RASA1: variants seen among roughly 807,000 people sequenced by gnomAD.
The protein encoded by RASA1 is ras GTPase-activating protein 1.
RASA1 carries 25 observed loss-of-function variants against 132.2 expected under a neutral mutation model. The ratio of observed to expected loss-of-function variants is 0.19; its 90% CI spans 0.14 to 0.26. The LOEUF (loss-of-function observed/expected upper bound fraction) is 0.26. Among genes scored for constraint, RASA1 ranks in the 10% least tolerant of loss-of-function variants. The pLI, the probability that RASA1 is intolerant of heterozygous loss-of-function variation, is 1.00. For synonymous variants in RASA1, 477 were observed against 449.9 expected (o/e 1.06, Z -0.76); for missense variants, 964 against 1,299.2 (o/e 0.74, Z 3.97).
At chr5:87,283,106 A>G (rs1754389420) in intron 1 of RASA1, among the ~76,000 whole-genome samples, 1 of 150,030 alleles carries the variant, frequency 6.7e-6, no homozygotes. Flanking sequence ...TCCTTTGATC[A>G]ACATTTCCTC....
chr5:87,313,710 C>G (rs988938431), intron 1 of RASA1, among the ~76,000 whole-genome samples: 12 of 152,192 alleles, frequency 7.9e-5, no homozygotes, highest in African/African-American at 2.9e-4. Context: ...CAAAAAAAGT[C>G]TAAGAAATCA....
intron 1 of RASA1, among the ~76,000 whole-genome samples, chr5:87,310,258 A>T (rs765088918): frequency 7.1e-4 from 107 of 150,456 alleles, no homozygotes; most frequent in Non-Finnish European, 1.4e-3. Flanking sequence ...AAGGAATTTT[A>T]AAAAAGAATT....
intron 13 of RASA1, 107 bp downstream of exon 13, chr5:87,372,302 G>A: frequency 4.1e-6 from 4 of 982,212 alleles, no homozygotes; most frequent in Non-Finnish European, 6.3e-6. Context: ...ATGGGGTTAA[G>A]CCATGCTGCC....
chr5:87,287,798 T>C (rs542785572), intron 1 of RASA1, among the ~76,000 whole-genome samples: 20 of 144,846 alleles, frequency 1.4e-4, no homozygotes, highest in Middle Eastern at 3.7e-3. Flanking sequence ...GCCATATATA[T>C]ACACACCATA....
chr5:87,290,671 C>G (rs1012153542), intron 1 of RASA1, among the ~76,000 whole-genome samples: 12 of 152,196 alleles, frequency 7.9e-5, no homozygotes, highest in Non-Finnish European at 8.8e-5. Context: ...TAGCCCCTGT[C>G]AGTCACTAAT....
chr5:87,338,536 A>ATATATATTTTTTTTTTT, intron 5 of RASA1, among the ~76,000 whole-genome samples: 1 of 85,216 alleles, frequency 1.2e-5, no homozygotes. Context: ...TATATATAAA[A>ATATATATTTTTTTTTTT]TTTTTTTTTT....
intron 1 of RASA1, among the ~76,000 whole-genome samples, chr5:87,284,124 A>C (rs1386977787): frequency 6.6e-6 from 1 of 152,114 alleles, no homozygotes; most frequent in Non-Finnish European, 1.5e-5. Flanking sequence ...TTTTTTTCTT[A>C]TCAGTGTTAC....
intron 4 of RASA1, among the ~76,000 whole-genome samples, chr5:87,333,587 CAAAGT>C (rs1184777803): frequency 7.2e-5 from 11 of 152,100 alleles, no homozygotes; most frequent in Non-Finnish European, 1.3e-4. Flanking sequence ...CTGTCTCTCA[CAAAGT>C]AAGGAGAGTT....
At chr5:87,376,716 G>T (rs1044292920) in intron 16 of RASA1, 151 bp downstream of exon 16, 1 of 1,247,484 alleles carries the variant, frequency 8.0e-7, no homozygotes, top group Non-Finnish European at 1.1e-6. Context: ...CTGTAATTTT[G>T]GTAGAAATAA....
intron 16 of RASA1, 57 bp from the exon 17 acceptor site, chr5:87,376,824 A>G: frequency 6.7e-7 from 1 of 1,502,630 alleles, no homozygotes; most frequent in African/African-American, 1.4e-5. Context: ...TGTTAGTCTC[A>G]TGGAGCATGC....
At chr5:87,271,427 A>T (rs570455668) in intron 1 of RASA1, among the ~76,000 whole-genome samples, 3 of 146,814 alleles carry the variant, frequency 2.0e-5, no homozygotes, top group South Asian at 2.1e-4. Flanking sequence ...TATTGTAGTT[A>T]AAAAAAACTG....
intron 1 of RASA1, among the ~76,000 whole-genome samples, chr5:87,309,287 A>G (rs1755760574): frequency 6.6e-6 from 1 of 152,166 alleles, no homozygotes; most frequent in Non-Finnish European, 1.5e-5. Context: ...ATACATACAT[A>G]AATAGTATAG....
chr5:87,283,137 TTTTTTTTTGTG>T (rs1350839607), intron 1 of RASA1, among the ~76,000 whole-genome samples: 1 of 147,674 alleles, frequency 6.8e-6, no homozygotes, highest in African/African-American at 2.5e-5. Context: ...TAAGTTTTGT[TTTTTTTTTGTG>T]TTTTTTTTTT....
At chr5:87,361,811 G>T in intron 9 of RASA1, among the ~76,000 whole-genome samples, 1 of 152,124 alleles carries the variant, frequency 6.6e-6, no homozygotes, top group East Asian at 1.9e-4. Flanking sequence ...CATTAAGAAA[G>T]AACCTAATAT....
intron 19 of RASA1, among the ~76,000 whole-genome samples, 195 bp from the exon 20 acceptor site, chr5:87,380,314 T>C (rs925611014): frequency 3.3e-5 from 5 of 152,154 alleles, no homozygotes; most frequent in Admixed American, 2.0e-4. Flanking sequence ...ACTGAATAAA[T>C]TGATGATAAA....
rs146092293 is a variant in RASA1, at chr5:87,322,543, C to A, written c.540-8805C>A. Among the ~76,000 whole-genome samples, 230 of 152,252 alleles carry A rather than the reference C, an allele frequency of 1.5e-3. 2 individuals are homozygous for A. The highest frequency in any genetic ancestry group is 5.0e-3 in the African/African-American group (206 of 41,532). On this transcript the variant is annotated intron_variant, in intron 1 of 24. Coordinates refer to ENST00000274376, the MANE Select transcript of RASA1 (RefSeq NM_002890.3). ...GTTTAAAGGAGCCTGGCTCCTCCCCCCTTCTCTTGCTCTCTCTGGTCATGT... is the reference window on the plus strand; with the variant it reads ...GTTTAAAGGAGCCTGGCTCCTCCCCACTTCTCTTGCTCTCTCTGGTCATGT...
Position 87,268,922 on chromosome 5 carries a change from C to T in RASA1, c.471C>T (p.Asp157=). The change falls in exon 1 of 25, where the codon GAC becomes GAT. Residue 157 remains aspartate, a synonymous_variant. Transcript: ENST00000274376. The part of the protein sequence containing the change: ...GAGLGTVDEG[D]SLDGPEYEEE... ...GCCTCGGGACAGTGGACGAAGGTGA[C>T]TCTCTGGATGGACCAGAATACGAGG... 6.2e-7 allele frequency: 1 copy of T among 1,614,208 alleles called. No individual in the cohort carries two copies. The highest frequency in any genetic ancestry group is 1.1e-5 in the South Asian group (1 of 91,084).
chr5:87,380,979 T>C (rs1194451564), intron 20 of RASA1, among the ~76,000 whole-genome samples: 1 of 152,230 alleles, frequency 6.6e-6, no homozygotes, highest in East Asian at 1.9e-4. Context: ...TTTGTTACAA[T>C]CTGTGACTCT....
At chr5:87,310,809 T>C (rs183076032) in intron 1 of RASA1, among the ~76,000 whole-genome samples, 1 of 152,312 alleles carries the variant, frequency 6.6e-6, no homozygotes, top group Admixed American at 6.5e-5. Context: ...AAGCAAAAAC[T>C]TCTGATGCCT....
Sources: allele counts gnomAD v4.1 joint callset (sites outside exome capture counted in the v4.1 genomes callset), GRCh38; gene constraint gnomAD v4.1.1; transcripts MANE v1.5; gene names NCBI Gene and HGNC (gene_info 2026-07-23, HGNC 2026-07-21).